WDFY4: variants seen among roughly 807,000 people sequenced by gnomAD.
WDFY4 encodes the protein WDFY family member 4, also known as WD repeat- and FYVE domain-containing protein 4.
WDFY4 carries 169 observed loss-of-function variants against 351.9 expected under a neutral mutation model. The observed-to-expected ratio is 0.48, with a 90% confidence interval of 0.42 to 0.55. WDFY4 has a LOEUF of 0.55. WDFY4 is among the 20% of genes least tolerant of loss of function. WDFY4 has a pLI of 0.00. For missense variants in WDFY4, 3,803 were observed against 3,935.6 expected, an observed-to-expected ratio of 0.97 and a Z score of 0.90; for synonymous variants, 1,622 against 1,574.6, an observed-to-expected ratio of 1.03 and a Z score of -0.71.
rs766340137 is a variant in WDFY4, at chr10:48,748,081, C to T, written c.2459+4533C>T. 6.6e-5 allele frequency among the ~76,000 whole-genome samples: 10 copies of T among 152,128 alleles called. No homozygotes were observed. In the South Asian group the frequency reaches 8.3e-4, roughly 13 times the overall value. Reference sequence around the variant, plus strand: ...TGTTCTCTATATTTCAGGGGCAATCCCTGAGGAGGCCTTTTGCCTGGGCAC... The same window carrying T: ...TGTTCTCTATATTTCAGGGGCAATCTCTGAGGAGGCCTTTTGCCTGGGCAC... On this transcript the variant is annotated intron_variant, in intron 12 of 61. Coordinates refer to ENST00000325239, the MANE Select transcript of WDFY4 (RefSeq NM_001394531.1).
chr10:48,940,183 G>A (rs926526878), intron 47 of WDFY4, among the ~76,000 whole-genome samples: 2 of 152,204 alleles, frequency 1.3e-5, no homozygotes, highest in Non-Finnish European at 2.9e-5. Context: ...AGCCTTAAGA[G>A]CAGCCTACCC....
rs1282419546 is a variant in WDFY4, at chr10:48,964,070, T to C, written c.8436+16T>C. The C allele has an allele frequency of 4.5e-6, 7 of 1,549,098 alleles. No individual in the cohort carries two copies. The highest frequency in any genetic ancestry group is 6.1e-6 in the Non-Finnish European group (7 of 1,146,508). On this transcript the variant is annotated intron_variant, in intron 54 of 61. Coordinates refer to ENST00000325239, the MANE Select transcript of WDFY4 (RefSeq NM_001394531.1). ...GCCCAAACAGGTACAGCATGCCTTGTCATTTGCCTTGCTTTCTCAAAAGAG... is the reference window on the plus strand; with the variant it reads ...GCCCAAACAGGTACAGCATGCCTTGCCATTTGCCTTGCTTTCTCAAAAGAG...
intron 13 of WDFY4, among the ~76,000 whole-genome samples, chr10:48,769,790 CA>C (rs978334869): frequency 3.3e-5 from 5 of 152,244 alleles, no homozygotes; most frequent in Non-Finnish European, 7.3e-5. Context: ...GAGAGCGATA[CA>C]TAAGAATGAA....
At chr10:48,791,030 G>C in intron 23 of WDFY4, 113 bp downstream of exon 23, 3 of 1,341,808 alleles carry the variant, frequency 2.2e-6, no homozygotes, top group Non-Finnish European at 3.0e-6. Flanking sequence ...GACTTCTAGA[G>C]AAGGGCAGCC....
chr10:48,811,617 T>G lies in WDFY4; in HGVS notation c.5123T>G (p.Leu1708Arg). Residue 1708 changes from leucine to arginine, a missense_variant, in exon 30 of 62, where the codon CTG becomes CGG. Physicochemically the swap from Leu to Arg is moderately radical, Grantham distance 102 (BLOSUM62 -2). Coordinates refer to ENST00000325239, the MANE Select transcript of WDFY4 (RefSeq NM_001394531.1). ...GGGTTCCGTGTCTTGAATGACTTTC[T>G]GGCCCACCACGTCCACATTCCAGAG... ...LPGFRVLNDF[L>R]AHHVHIPEVY... 7.7e-6 allele frequency: 12 copies of G among 1,552,082 alleles called. No homozygotes were observed. The highest frequency in any genetic ancestry group is 1.0e-5 in the Non-Finnish European group (12 of 1,147,090).
At chr10:48,783,912 C>T (rs2066308787) in intron 19 of WDFY4, among the ~76,000 whole-genome samples, 1 of 152,184 alleles carries the variant, frequency 6.6e-6, no homozygotes, top group Non-Finnish European at 1.5e-5. Flanking sequence ...ATCTGATGGA[C>T]CACCATTGCA....
intron 22 of WDFY4, among the ~76,000 whole-genome samples, 166 bp downstream of exon 22, chr10:48,790,151 C>A (rs1275278612): frequency 6.6e-6 from 1 of 152,200 alleles, no homozygotes; most frequent in Non-Finnish European, 1.5e-5. Context: ...GTTAGTCTCC[C>A]AGAAAGCATG....
intron 1 of WDFY4, among the ~76,000 whole-genome samples, chr10:48,692,611 T>C (rs1194380601): frequency 6.6e-6 from 1 of 152,248 alleles, no homozygotes; most frequent in East Asian, 1.9e-4. Context: ...TGAATAACAA[T>C]GACATTAAGG....
chr10:48,820,167 C>G, intron 32 of WDFY4, 67 bp from the exon 33 acceptor site: 1 of 1,511,218 alleles, frequency 6.6e-7, no homozygotes. Flanking sequence ...ATGTACATGG[C>G]ACAGGTTGGT....
chr10:48,724,699 C>A (rs1004742424), intron 5 of WDFY4, among the ~76,000 whole-genome samples: 2 of 152,016 alleles, frequency 1.3e-5, no homozygotes, highest in Admixed American at 6.5e-5. Context: ...CCCTACTGTG[C>A]GCAGCTCTAT....
At chr10:48,789,208 A>C (rs560255081) in intron 21 of WDFY4, among the ~76,000 whole-genome samples, 56 of 152,202 alleles carry the variant, frequency 3.7e-4, no homozygotes, top group African/African-American at 1.1e-3. Context: ...CAAACAAATA[A>C]AAACAGTAAA....
intron 43 of WDFY4, among the ~76,000 whole-genome samples, chr10:48,882,316 C>T (rs890747461): frequency 6.6e-6 from 1 of 152,204 alleles, no homozygotes; most frequent in Non-Finnish European, 1.5e-5. Context: ...CAGCTTGGCA[C>T]AGGGCAAAGT....
intron 39 of WDFY4, among the ~76,000 whole-genome samples, chr10:48,849,842 A>C (rs897301680): frequency 2.0e-5 from 3 of 152,210 alleles, no homozygotes; most frequent in African/African-American, 7.2e-5. Context: ...AATTCAATCC[A>C]GGGTACCACA....
chr10:48,849,656 G>T (rs577223432), intron 39 of WDFY4, among the ~76,000 whole-genome samples: 110 of 152,200 alleles, frequency 7.2e-4, no homozygotes, highest in Non-Finnish European at 1.4e-3. Context: ...TTAATTTTGG[G>T]ATACTTTCCA....
chr10:48,907,671 A>T (rs1421876714), intron 47 of WDFY4, among the ~76,000 whole-genome samples: 1 of 152,316 alleles, frequency 6.6e-6, no homozygotes, highest in South Asian at 2.1e-4. Context: ...GGGGGAGGCT[A>T]AAGTTCAAGC....
chr10:48,725,280 A>AG (rs1199700840), intron 5 of WDFY4, among the ~76,000 whole-genome samples: 2 of 152,146 alleles, frequency 1.3e-5, no homozygotes, highest in Admixed American at 6.5e-5. Flanking sequence ...CCAAGAGCCC[A>AG]GGGGGGAGCT....
rs1842593285 is a variant in WDFY4, at chr10:48,976,908, T to A, written c.9220T>A (p.Cys3074Ser). The A allele has an allele frequency of 9.1e-6, 14 of 1,538,734 alleles. No homozygotes were observed. The highest frequency in any genetic ancestry group is 1.2e-5 in the Non-Finnish European group (14 of 1,139,824). Residue 3074 changes from cysteine to serine, a missense_variant, in exon 59 of 62, where the codon TGC (cysteine) becomes AGC (serine). Coordinates refer to ENST00000325239, the MANE Select transcript of WDFY4 (RefSeq NM_001394531.1). ...WGPEGAITCC[C>S]LMEGPAWDTS... ...CCCAGAAGGAGCCATAACCTGCTGC[T>A]GCCTGATGGAGGGCCCAGCATGGGA...
intron 20 of WDFY4, among the ~76,000 whole-genome samples, chr10:48,787,909 CTTCTTCTTCTTCTTCTT>C (rs2066508970): frequency 5.3e-5 from 2 of 37,750 alleles, no homozygotes; most frequent in African/African-American, 3.0e-4. Context: ...TCTTCTTCTT[CTTCTTCTTCTTCTTCTT>C]CTTCTTCTTC....
intron 28 of WDFY4, among the ~76,000 whole-genome samples, chr10:48,809,616 CCAT>C (rs750652601): frequency 4.0e-5 from 6 of 151,740 alleles, no homozygotes; most frequent in African/African-American, 1.2e-4. Context: ...ACCACCACCA[CCAT>C]CATCATCATC....
Sources: gnomAD v4.1 joint callset for allele counts (sites outside exome capture counted in the v4.1 genomes callset) on GRCh38, gnomAD v4.1.1 for gene constraint, MANE v1.5 for transcripts, NCBI Gene and HGNC (gene_info 2026-07-23, HGNC 2026-07-21) for gene names.